DNAH3: variants seen among roughly 807,000 people sequenced by gnomAD.
DNAH3 encodes the protein axonemal beta dynein heavy chain 3.
A neutral mutation model predicts 432.5 loss-of-function variants in DNAH3; 332 were observed. The ratio of observed to expected loss-of-function variants is 0.77; its 90% CI spans 0.70 to 0.84. DNAH3 has a LOEUF of 0.84. DNAH3 is among the 40% of genes least tolerant of loss of function. The probability of loss-of-function intolerance (pLI) is 0.00; values close to 1 mark genes in which losing one functional copy is unlikely to be tolerated. For missense variants in DNAH3, 4,861 were observed against 5,114.0 expected (o/e 0.95, Z 1.51); for synonymous variants, 1,956 against 1,900.2 (o/e 1.03, Z -0.76).
intron 25 of DNAH3, among the ~76,000 whole-genome samples, 169 bp from the exon 26 acceptor site, chr16:21,060,525 TC>T (rs377245752): frequency 0.088 from 10,355 of 117,204 alleles, 412 homozygotes; most frequent in East Asian, 0.26. Flanking sequence ...TTTTTTTTTT[TC>T]TTTTTTTTTT....
At position 21,022,037 on chromosome 16, in the gene DNAH3, A is replaced by C. The variant is rs745477444; in HGVS notation, c.5710T>G (p.Phe1904Val). The change falls in exon 40 of 62, where the codon TTT (phenylalanine) becomes GTT (valine). Residue 1904 changes from phenylalanine (F) to valine (V), a missense_variant. Physicochemically the swap from Phe to Val is conservative, Grantham distance 50. Transcript: ENST00000261383. Reference sequence around the variant, plus strand: ...TGGATGGGAGATGTCTGGACAACAAATTTACAATGAAGGCGACCAAATTCC... The same window carrying C: ...TGGATGGGAGATGTCTGGACAACAACTTTACAATGAAGGCGACCAAATTCC... 1.4e-5 allele frequency: 22 copies of C among 1,614,034 alleles called. No individual in the cohort carries two copies. In the East Asian group the frequency reaches 4.7e-4, roughly 34 times the overall value.
At chr16:21,132,470 C>A (rs1046032891) in intron 7 of DNAH3, among the ~76,000 whole-genome samples, 2 of 152,158 alleles carry the variant, frequency 1.3e-5, no homozygotes, top group Non-Finnish European at 2.9e-5. Context: ...ACTAAAAAAA[C>A]CAGAGTCTTC....
chr16:21,134,401 T>C (rs374117517), exon 7 of DNAH3: 2 of 1,614,228 alleles, frequency 1.2e-6, no homozygotes, highest in South Asian at 1.1e-5. Flanking sequence ...AAGCGGGGGA[T>C]GCTCTCAATA....
At chr16:20,947,109 G>C (rs2084083421) in intron 57 of DNAH3, among the ~76,000 whole-genome samples, 1 of 152,056 alleles carries the variant, frequency 6.6e-6, no homozygotes, top group Non-Finnish European at 1.5e-5. Flanking sequence ...ACAGGCATGA[G>C]CCACTGCACC....
intron 44 of DNAH3, among the ~76,000 whole-genome samples, chr16:20,992,657 AC>A (rs1468107420): frequency 6.6e-6 from 1 of 151,930 alleles, no homozygotes; most frequent in East Asian, 1.9e-4. Flanking sequence ...TATATTTCTT[AC>A]CCCAGCAGAC....
At chr16:21,103,440 C>A (rs2152798306) in intron 16 of DNAH3, among the ~76,000 whole-genome samples, 1 of 152,042 alleles carries the variant, frequency 6.6e-6, no homozygotes, top group Non-Finnish European at 1.5e-5. Flanking sequence ...TGAAACTGCT[C>A]TAAAACATAG....
In DNAH3 at chr16:20,984,161, A is replaced by ATGTGTGTG. The variant is rs61445558; in HGVS notation, c.7665+908_7665+915dup. On this transcript the variant is annotated intron_variant, in intron 48 of 61. Coordinates refer to ENST00000261383, the Ensembl canonical transcript of DNAH3. ...GTTAGTAATTTTGGTCCTTATCCCA[A>ATGTGTGTG]TGTGTGTGTGTGTGTGTGTATATGT... 2.2e-3 allele frequency among the ~76,000 whole-genome samples: 337 copies of ATGTGTGTG among 150,716 alleles called. 1 individual carries two copies. Among genetic ancestry groups the ATGTGTGTG allele is most frequent in the African/African-American group, 7.4e-3 (304 of 41,098 alleles).
chr16:20,934,148 A>G (rs1419344224), intron 61 of DNAH3, among the ~76,000 whole-genome samples: 1 of 152,244 alleles, frequency 6.6e-6, no homozygotes, highest in African/African-American at 2.4e-5. Context: ...TGAACCAGAG[A>G]GCACAAACTC....
chr16:21,032,670 G>A (rs1051965421), intron 36 of DNAH3, among the ~76,000 whole-genome samples: 2 of 151,862 alleles, frequency 1.3e-5, no homozygotes, highest in Admixed American at 6.6e-5. Context: ...AAAATTAGGC[G>A]GGCATGGTGG....
At position 21,125,163 on chromosome 16, in the gene DNAH3, T is replaced by C. The variant is rs1305827565; in HGVS notation, c.1404+12A>G. ...TCCCCTCAAAAGGTCCAAATGCAGG[T>C]CCCTGACTTACTTTGTGTATCATGA... On this transcript the variant is annotated intron_variant, in intron 9 of 61. Coordinates refer to ENST00000261383, the Ensembl canonical transcript of DNAH3. 5 of 1,587,150 alleles carry C rather than the reference T, an allele frequency of 3.2e-6. No homozygotes were observed. The African/African-American group carries it at 6.7e-5, about 21-fold the overall frequency.
At chr16:21,116,325 G>C (rs1016478620) in intron 12 of DNAH3, among the ~76,000 whole-genome samples, 23 of 151,762 alleles carry the variant, frequency 1.5e-4, no homozygotes, top group African/African-American at 5.6e-4. Context: ...GACTCGGTGG[G>C]AGGTAATTTA....
At chr16:20,950,205 CTG>C (rs2084249979) in intron 56 of DNAH3, among the ~76,000 whole-genome samples, 1 of 152,168 alleles carries the variant, frequency 6.6e-6, no homozygotes, top group African/African-American at 2.4e-5. Context: ...TGTATGCGTA[CTG>C]TGTGTGTCAT....
At chr16:20,963,850 C>A (rs756996425) in exon 53 of DNAH3, 2 of 1,613,926 alleles carry the variant, frequency 1.2e-6, no homozygotes, top group South Asian at 1.1e-5. Context: ...GTACTTGATG[C>A]GCAGATTCAG....
chr16:21,099,276 A>AGATG (rs945437351), intron 16 of DNAH3, among the ~76,000 whole-genome samples: 1 of 124,928 alleles, frequency 8.0e-6, no homozygotes, highest in Non-Finnish European at 1.8e-5. Flanking sequence ...ATGGATGGAC[A>AGATG]GATGGATGGA....
intron 16 of DNAH3, among the ~76,000 whole-genome samples, chr16:21,102,277 G>A (rs970543611): frequency 1.3e-5 from 2 of 152,154 alleles, no homozygotes; most frequent in Admixed American, 6.5e-5. Flanking sequence ...TACTCCTCTC[G>A]TCATAAATGA....
In DNAH3 at chr16:21,057,378, C is replaced by T. The variant is rs186484799; in HGVS notation, c.3924+708G>A. ...AGCAGAGCAGACATAGCTTCTTCCCCGTAGGGTTTACAGCCTCGTGTCTAA... is the reference window on the plus strand; with the variant it reads ...AGCAGAGCAGACATAGCTTCTTCCCTGTAGGGTTTACAGCCTCGTGTCTAA... On this transcript the variant is annotated intron_variant, in intron 27 of 61. Transcript: ENST00000261383. 3.1e-3 allele frequency among the ~76,000 whole-genome samples: 470 copies of T among 152,296 alleles called. 3 individuals are homozygous for T. Among genetic ancestry groups the T allele is most frequent in the African/African-American group, 0.011 (449 of 41,558 alleles).
At chr16:20,954,816 G>A (rs1397346814) in exon 55 of DNAH3, 1 of 1,613,840 alleles carries the variant, frequency 6.2e-7, no homozygotes, top group East Asian at 2.2e-5. Flanking sequence ...CGCTTACCTA[G>A]GGGGCCGAAG....
At chr16:21,150,381 G>A (rs1481562978) in intron 1 of DNAH3, 2 of 440,746 alleles carry the variant, frequency 4.5e-6, no homozygotes, top group East Asian at 1.4e-4. Flanking sequence ...GCTTCTCCAG[G>A]GATGTGCCTC....
At chr16:21,077,312 TC>T (rs1359430387) in intron 20 of DNAH3, among the ~76,000 whole-genome samples, 2 of 151,862 alleles carry the variant, frequency 1.3e-5, no homozygotes, top group Non-Finnish European at 2.9e-5. Context: ...ACAGGTGCCC[TC>T]CACCACACCT....
Sources: gnomAD v4.1 joint callset for allele counts (sites outside exome capture counted in the v4.1 genomes callset) on GRCh38, gnomAD v4.1.1 for gene constraint, MANE v1.5 for transcripts, NCBI Gene and HGNC (gene_info 2026-07-23, HGNC 2026-07-21) for gene names.